NHSL1: variants seen among roughly 807,000 people sequenced by gnomAD.
The protein encoded by NHSL1 is NHS-like protein 1.
NHSL1 carries 48 observed loss-of-function variants against 95.0 expected under a neutral mutation model. The ratio of observed to expected loss-of-function variants is 0.51; its 90% CI spans 0.40 to 0.64. The LOEUF is 0.64. NHSL1 is among the 30% of genes least tolerant of loss of function. The pLI, the probability that NHSL1 is intolerant of heterozygous loss-of-function variation, is 0.00. For synonymous variants in NHSL1, 783 were observed against 833.9 expected, an observed-to-expected ratio of 0.94 and a Z score of 1.05; for missense variants, 1,971 against 2,077.7, an observed-to-expected ratio of 0.95 and a Z score of 1.00.
chr6:138,465,446 G>A (rs13191089), intron 3 of NHSL1, among the ~76,000 whole-genome samples: 6 of 152,054 alleles, frequency 3.9e-5, no homozygotes, highest in African/African-American at 7.2e-5. Context: ...CCTCAGTGCC[G>A]TTTTGCCTGT....
intron 1 of NHSL1, among the ~76,000 whole-genome samples, chr6:138,557,658 G>A (rs572543118): frequency 1.3e-4 from 20 of 152,344 alleles, no homozygotes; most frequent in African/African-American, 4.3e-4. Context: ...GCATTAAAAC[G>A]AGGTTAAATT....
Position 138,594,990 on chromosome 6 carries a change from T to C in NHSL1, c.96+97486A>G, listed in dbSNP as rs541749261. ...CCCCATCCAGCACATGACCCTAATT[T>C]GCAACTCAACATTTCACTATATGTC... On this transcript the variant is annotated intron_variant, in intron 1 of 3. Coordinates refer to the NHSL1 transcript ENST00000491526. Among the ~76,000 whole-genome samples, 3 of 152,242 alleles carry C rather than the reference T, an allele frequency of 2.0e-5. No homozygotes were observed. In the East Asian group the frequency reaches 5.8e-4, roughly 29 times the overall value.
At chr6:138,683,186 C>A (rs1785535953) in intron 1 of NHSL1, among the ~76,000 whole-genome samples, 1 of 152,232 alleles carries the variant, frequency 6.6e-6, no homozygotes, top group Non-Finnish European at 1.5e-5. Flanking sequence ...AAAGCAACAG[C>A]CCTCCACACA....
chr6:138,556,761 T>C (rs1378313861), intron 1 of NHSL1, among the ~76,000 whole-genome samples: 3 of 152,036 alleles, frequency 2.0e-5, no homozygotes, highest in African/African-American at 7.2e-5. Flanking sequence ...TTTAAAGTAT[T>C]TGGCCAAAAA....
intron 2 of NHSL1, 130 bp downstream of exon 2, chr6:138,496,089 G>T: frequency 9.8e-7 from 1 of 1,016,436 alleles, no homozygotes. Flanking sequence ...TTGTATTTAT[G>T]ATATCGTATA....
chr6:138,534,608 C>G (rs1399681582), intron 1 of NHSL1, among the ~76,000 whole-genome samples: 1 of 152,162 alleles, frequency 6.6e-6, no homozygotes, highest in East Asian at 1.9e-4. Context: ...CTACAGGCTC[C>G]CTGCTGTTTA....
In NHSL1 at chr6:138,432,037, T is replaced by C. The variant is rs1022901328; in HGVS notation, c.2308A>G (p.Ser770Gly). ...TCCGTGTACTCTGACTTGACGCTGC[T>C]TGTGTCACTCTGCGATGGCGTGGCC... ...CGATPSQSDT[S>G]SVKSEYTDPW... The change falls in exon 6 of 8, where the codon AGC becomes GGC. Residue 770 changes from serine (S) to glycine (G), a missense_variant. By Grantham distance (56) the Ser-to-Gly change is moderately conservative (BLOSUM62 0). Coordinates refer to ENST00000343505, the MANE Select transcript of NHSL1 (RefSeq NM_001144060.2). This position sits in a 1 kb window ranked among gnomAD's most constrained non-coding sequence, Gnocchi z 4.4. The C allele has an allele frequency of 6.4e-7, 1 of 1,551,624 alleles. No individual in the cohort carries two copies. The highest frequency in any genetic ancestry group is 1.4e-5 in the African/African-American group (1 of 73,072).
At chr6:138,666,961 A>G (rs1268255046) in intron 1 of NHSL1, among the ~76,000 whole-genome samples, 2 of 152,150 alleles carry the variant, frequency 1.3e-5, no homozygotes, top group African/African-American at 2.4e-5. Context: ...AAATCCAACA[A>G]TGTTTTTAGC....
chr6:138,536,602 CTT>C (rs563509738), intron 1 of NHSL1, among the ~76,000 whole-genome samples: 164 of 80,014 alleles, frequency 2.0e-3, no homozygotes, highest in East Asian at 9.2e-3. Context: ...CATATGTCAT[CTT>C]TTTTTTTTTT....
intron 1 of NHSL1, among the ~76,000 whole-genome samples, chr6:138,684,349 C>CA (rs1458686556): frequency 3.3e-5 from 5 of 151,782 alleles, no homozygotes; most frequent in African/African-American, 1.2e-4. Flanking sequence ...ATCATTTGTC[C>CA]AAAAAAAGGG....
At position 138,533,514 on chromosome 6, in the gene NHSL1, C is replaced by T. The variant is rs140593216; in HGVS notation, c.16+12109G>A. On this transcript the variant is annotated intron_variant, in intron 1 of 4. Coordinates refer to the NHSL1 transcript ENST00000342260. ...GGTGAGCCGAGATCACGCCACTGCA[C>T]TCCAGCCTGGGCAAGAAGAGCAAAA... is the stretch of plus-strand genomic sequence containing the variant. Among the ~76,000 whole-genome samples the T allele has an allele frequency of 2.5e-3, 386 of 152,272 alleles. 3 individuals carry two copies. The highest frequency in any genetic ancestry group is 9.0e-3 in the African/African-American group (374 of 41,552).
chr6:138,529,745 T>C (rs1204384092), intron 1 of NHSL1, among the ~76,000 whole-genome samples: 1 of 152,210 alleles, frequency 6.6e-6, no homozygotes, highest in Non-Finnish European at 1.5e-5. Flanking sequence ...ATCTCTCAAC[T>C]TCCGCTCTGC....
chr6:138,516,610 T>C (rs755876736), intron 1 of NHSL1, among the ~76,000 whole-genome samples: 2 of 152,000 alleles, frequency 1.3e-5, no homozygotes, highest in African/African-American at 2.4e-5. Flanking sequence ...GTTGTTGTTG[T>C]TGTTAATTTG....
intron 7 of NHSL1, among the ~76,000 whole-genome samples, chr6:138,429,487 G>A (rs537941090): frequency 6.6e-6 from 1 of 152,214 alleles, no homozygotes; most frequent in South Asian, 2.1e-4. Context: ...GTATCACATT[G>A]AGCCACTGTC....
intron 1 of NHSL1, among the ~76,000 whole-genome samples, chr6:138,588,026 G>C (rs911659957): frequency 6.6e-6 from 1 of 152,274 alleles, no homozygotes; most frequent in Admixed American, 6.5e-5. Context: ...CTCGCCCCTT[G>C]GCGGCAGGAA....
At chr6:138,531,928 A>G (rs542008726) in intron 1 of NHSL1, among the ~76,000 whole-genome samples, 29 of 152,214 alleles carry the variant, frequency 1.9e-4, no homozygotes, top group Non-Finnish European at 4.0e-4. Context: ...CTTGGTATCA[A>G]TGGTAATGAA....
At chr6:138,517,553 G>A (rs1457126899) in intron 1 of NHSL1, among the ~76,000 whole-genome samples, 2 of 152,196 alleles carry the variant, frequency 1.3e-5, no homozygotes, top group Admixed American at 1.3e-4. Context: ...GACAGCCAGT[G>A]CCTTGTTAAA....
chr6:138,505,733 G>A (rs2128295627), intron 1 of NHSL1, among the ~76,000 whole-genome samples: 1 of 151,872 alleles, frequency 6.6e-6, no homozygotes, highest in South Asian at 2.1e-4. Context: ...AGAGGAGAAA[G>A]GGGAAATAAA....
rs931145541 is a variant in NHSL1 at position 138,433,548 on chromosome 6, G to A, written c.797C>T (p.Thr266Met). 57 of 1,551,790 alleles carry A rather than the reference G, an allele frequency of 3.7e-5. No individual in the cohort carries two copies. In the African/African-American group the frequency reaches 4.1e-4, roughly 11 times the overall value. The change falls in exon 6 of 8, where the codon ACG becomes ATG. Residue 266 changes from threonine (T) to methionine (M), a missense_variant. Thr to Met is a moderately conservative substitution (Grantham distance 81). This residue lies in a region of NHSL1 where 1,602 missense variants were observed against 1,654.5 expected (regional missense o/e 0.97). Transcript: ENST00000343505. ...AGGTGGTACGACCTTCACATCCTCCGTCTGACAGCTGGAGTCCCTGGTTTC... is the reference window on the plus strand; with the variant it reads ...AGGTGGTACGACCTTCACATCCTCCATCTGACAGCTGGAGTCCCTGGTTTC... ...RSETRDSSCQTEDVKVVPPSM... is the reference protein window; with the variant it reads ...RSETRDSSCQMEDVKVVPPSM...
Sources: gnomAD v4.1 joint callset for allele counts (sites outside exome capture counted in the v4.1 genomes callset) on GRCh38, gnomAD v4.1.1 for gene constraint, gnomAD v4.1.1 regional missense constraint, Gnocchi (gnomAD v3.1) non-coding constraint, MANE v1.5 for transcripts, NCBI Gene and HGNC (gene_info 2026-07-23, HGNC 2026-07-21) for gene names.